PHACTR1: variants seen among roughly 807,000 people sequenced by gnomAD.
PHACTR1 encodes RPEL repeat containing 1.
Under a neutral mutation model 69.2 loss-of-function variants are expected in PHACTR1, and 16 were observed. That is an observed-to-expected ratio of 0.23 (90% CI 0.16 to 0.35). The LOEUF is 0.35. PHACTR1 is among the 10% of genes least tolerant of loss of function. The pLI is 1.00. For synonymous variants in PHACTR1, 312 were observed against 284.5 expected (o/e 1.10, Z -0.97); for missense variants, 510 against 734.7 (o/e 0.69, Z 3.54).
In PHACTR1 at chr6:13,029,034, T is replaced by C. The variant is rs985225542; in HGVS notation, c.251-24331T>C. ...AGTAATAACATTGCTTATTCACTTATTATGTGCCAATTATGAGAATTAATC... is the reference window on the plus strand; with the variant it reads ...AGTAATAACATTGCTTATTCACTTACTATGTGCCAATTATGAGAATTAATC... On this transcript the variant is annotated intron_variant, in intron 4 of 14. Transcript: ENST00000332995. Among the ~76,000 whole-genome samples the C allele has an allele frequency of 2.6e-5, 4 of 152,268 alleles. No homozygotes were observed. In the East Asian group the frequency reaches 7.7e-4, roughly 29 times the overall value.
Position 12,955,835 on chromosome 6 carries a change from G to A in PHACTR1, c.251-97530G>A, listed in dbSNP as rs201407971. On this transcript the variant is annotated intron_variant, in intron 4 of 14. Transcript: ENST00000332995. ...TCCTCTGCAAAGCGGAACACCAAGA[G>A]TAGGAGACCCGTCTTCTAACTCCCG... is the stretch of plus-strand genomic sequence containing the variant. Among the ~76,000 whole-genome samples, 3 of 152,166 alleles carry A rather than the reference G, an allele frequency of 2.0e-5. No homozygotes were observed. In the East Asian group the frequency reaches 5.8e-4, roughly 29 times the overall value.
At chr6:13,259,501 C>T (rs963513741) in intron 10 of PHACTR1, among the ~76,000 whole-genome samples, 7 of 152,144 alleles carry the variant, frequency 4.6e-5, no homozygotes, top group East Asian at 1.9e-4. Context: ...TTCTTTTAAG[C>T]GTAACCTGTT....
intron 4 of PHACTR1, among the ~76,000 whole-genome samples, chr6:12,900,484 G>A (rs1785080726): frequency 6.6e-6 from 1 of 152,106 alleles, no homozygotes. Flanking sequence ...CTTAAGTCCA[G>A]GAGTTTGAGG....
chr6:12,898,355 CCCT>C (rs70989812), intron 4 of PHACTR1, among the ~76,000 whole-genome samples: 36,139 of 151,894 alleles, frequency 0.24, 4,648 homozygotes, highest in Middle Eastern at 0.37. Context: ...TTCGAGCTTG[CCCT>C]CCTCAATCCT....
intron 4 of PHACTR1, among the ~76,000 whole-genome samples, chr6:13,037,447 T>C (rs1021707556): frequency 3.3e-5 from 5 of 152,170 alleles, no homozygotes; most frequent in African/African-American, 1.2e-4. Flanking sequence ...GTCTGGGTTA[T>C]ATTAAAAAGG....
At chr6:12,784,766 G>A (rs186772921) in intron 4 of PHACTR1, among the ~76,000 whole-genome samples, 12 of 151,834 alleles carry the variant, frequency 7.9e-5, no homozygotes, top group African/African-American at 2.4e-4. Context: ...CCAGGCAGGA[G>A]TGCAATGGCA....
chr6:12,960,819 A>C (rs548520478), intron 4 of PHACTR1, among the ~76,000 whole-genome samples: 28 of 152,214 alleles, frequency 1.8e-4, no homozygotes, highest in Non-Finnish European at 3.5e-4. Flanking sequence ...ATACAATTCC[A>C]AGCCTCCACT....
chr6:13,116,255 A>G (rs561062956), intron 5 of PHACTR1, among the ~76,000 whole-genome samples: 2 of 152,242 alleles, frequency 1.3e-5, no homozygotes, highest in Non-Finnish European at 2.9e-5. Context: ...CAAATCCAGC[A>G]TGGTGTGATG....
At chr6:13,128,751 T>TC (rs1220242907) in intron 5 of PHACTR1, among the ~76,000 whole-genome samples, 1 of 152,124 alleles carries the variant, frequency 6.6e-6, no homozygotes, top group Non-Finnish European at 1.5e-5. Context: ...GAGGAAAACT[T>TC]CCCTGGCCTT....
intron 4 of PHACTR1, 54 bp downstream of exon 4, chr6:12,749,844 C>T (rs1235438079): frequency 2.5e-5 from 37 of 1,453,898 alleles, no homozygotes; most frequent in Non-Finnish European, 3.1e-5. Context: ...CCTCCCTCCC[C>T]GGCTGTTGAG....
chr6:13,228,703 G>A (rs192854650), intron 9 of PHACTR1, among the ~76,000 whole-genome samples: 1 of 152,290 alleles, frequency 6.6e-6, no homozygotes, highest in Admixed American at 6.5e-5. Context: ...AATGGGCTAC[G>A]GTTTTAATCT....
At chr6:12,926,144 T>G (rs139379233) in intron 4 of PHACTR1, among the ~76,000 whole-genome samples, 1 of 152,170 alleles carries the variant, frequency 6.6e-6, no homozygotes, top group Non-Finnish European at 1.5e-5. Context: ...TACTACTAGA[T>G]AGAACTCTGT....
intron 6 of PHACTR1, among the ~76,000 whole-genome samples, chr6:13,180,345 C>T (rs1762025702): frequency 6.6e-6 from 1 of 152,104 alleles, no homozygotes; most frequent in Non-Finnish European, 1.5e-5. Context: ...TGTGATTTAG[C>T]CACATTACTT....
At chr6:12,729,572 G>A (rs182942267) in intron 3 of PHACTR1, among the ~76,000 whole-genome samples, 1 of 152,320 alleles carries the variant, frequency 6.6e-6, no homozygotes, top group Non-Finnish European at 1.5e-5. Context: ...GAGAAGACTA[G>A]AACAGCAGGC....
intron 5 of PHACTR1, among the ~76,000 whole-genome samples, chr6:13,115,748 G>A (rs1399656924): frequency 1.3e-5 from 2 of 152,208 alleles, no homozygotes; most frequent in Non-Finnish European, 2.9e-5. Flanking sequence ...ATGCATGTGA[G>A]CACTGCATGC....
intron 5 of PHACTR1, among the ~76,000 whole-genome samples, chr6:13,151,610 C>A (rs1273048183): frequency 6.6e-6 from 1 of 152,156 alleles, no homozygotes; most frequent in African/African-American, 2.4e-5. Flanking sequence ...GTACCTACAT[C>A]CCATGAAATG....
chr6:13,218,278 A>G (rs1767979814), intron 8 of PHACTR1, among the ~76,000 whole-genome samples: 1 of 152,154 alleles, frequency 6.6e-6, no homozygotes, highest in South Asian at 2.1e-4. Flanking sequence ...GCCGGCCAGT[A>G]ATTCCCCTCC....
chr6:13,212,843 T>C (rs1767078792), intron 8 of PHACTR1, among the ~76,000 whole-genome samples: 1 of 152,160 alleles, frequency 6.6e-6, no homozygotes, highest in African/African-American at 2.4e-5. Context: ...GGGTCTCTAC[T>C]CAAATGTCAC....
chr6:13,104,930 A>T (rs949746003), intron 5 of PHACTR1, among the ~76,000 whole-genome samples: 5 of 152,202 alleles, frequency 3.3e-5, no homozygotes, highest in Non-Finnish European at 7.3e-5. Context: ...CTAGAATATG[A>T]TTTTGGAGAG....
Sources: gnomAD v4.1 joint callset for allele counts (sites outside exome capture counted in the v4.1 genomes callset) on GRCh38, gnomAD v4.1.1 for gene constraint, MANE v1.5 for transcripts, NCBI Gene and HGNC (gene_info 2026-07-23, HGNC 2026-07-21) for gene names.